DNAH11: variants seen among roughly 807,000 people sequenced by gnomAD.
DNAH11 encodes the protein axonemal beta dynein heavy chain 11.
DNAH11 carries 442 observed loss-of-function variants against 526.0 expected under a neutral mutation model. The ratio of observed to expected loss-of-function variants is 0.84; its 90% CI spans 0.78 to 0.91. The LOEUF is 0.91. Among genes scored for constraint, DNAH11 ranks in the 40% least tolerant of loss-of-function variants. The pLI is 0.00. For missense variants in DNAH11, 6,989 were observed against 5,448.7 expected (o/e 1.28, Z -8.90); for synonymous variants, 2,461 against 1,935.9 (o/e 1.27, Z -7.12).
Position 21,836,755 on chromosome 7 carries a change from G to C in DNAH11, c.10692-5789G>C, listed in dbSNP as rs1782011098. On this transcript the variant is annotated intron_variant, in intron 65 of 81. Transcript: ENST00000409508. ...AAGATAGACAAATGGGATTACATCA[G>C]ACTAAAAAGCTTCTGCACAACAAAG... 2.0e-5 allele frequency among the ~76,000 whole-genome samples: 3 copies of C among 152,066 alleles called. No homozygotes were observed. In the South Asian group the frequency reaches 6.2e-4, roughly 32 times the overall value.
chr7:21,612,304 C>G (rs1016879386), intron 20 of DNAH11, among the ~76,000 whole-genome samples: 1 of 151,890 alleles, frequency 6.6e-6, no homozygotes, highest in African/African-American at 2.4e-5. Flanking sequence ...GCCTGTAATC[C>G]CAGCACTTTG....
intron 14 of DNAH11, among the ~76,000 whole-genome samples, chr7:21,596,778 A>G (rs540552593): frequency 1.3e-5 from 2 of 152,348 alleles, no homozygotes; most frequent in Admixed American, 6.5e-5. Flanking sequence ...TTTGTCCTTA[A>G]GGCAAAAACT....
At chr7:21,575,264 G>A (rs1583494456) in intron 8 of DNAH11, among the ~76,000 whole-genome samples, 1 of 152,150 alleles carries the variant, frequency 6.6e-6, no homozygotes, top group East Asian at 1.9e-4. Context: ...TTCATCTGTG[G>A]GAACTCACCT....
intron 45 of DNAH11, among the ~76,000 whole-genome samples, chr7:21,731,225 CATCAGGTT>C (rs918439467): frequency 1.1e-4 from 16 of 151,816 alleles, no homozygotes; most frequent in Admixed American, 4.6e-4. Flanking sequence ...TATTTCAAAA[CATCAGGTT>C]ATACACAATA....
At chr7:21,784,808 A>C (rs1330478607) in intron 58 of DNAH11, among the ~76,000 whole-genome samples, 1 of 152,178 alleles carries the variant, frequency 6.6e-6, no homozygotes, top group South Asian at 2.1e-4. Context: ...TTATACTCTT[A>C]GGAAAGGCAA....
chr7:21,901,757 CTCCAGTG>C lies in DNAH11; in HGVS notation c.*513_*519del, dbSNP rs113860457. On this transcript the variant is annotated 3_prime_UTR_variant, in exon 82 of 82. Transcript: ENST00000409508. ...GGAAGAGGCTAGCACTCTGTAAGGC[CTCCAGTG>C]TCCAGTGTCTACAATGTTGATGGTC... The C allele has an allele frequency of 0.77, 120,953 of 157,990 alleles. 49,701 individuals are homozygous for C. Among genetic ancestry groups the C allele is most frequent in the Non-Finnish European group, 0.92 (65,445 of 71,288 alleles). 9.8% of individuals were successfully genotyped at this position (157,990 alleles called of 1,614,324 possible). A position where few individuals can be genotyped will look rare whatever the true frequency, so the allele number is the denominator to read the frequency against.
At chr7:21,661,743 A>G (rs901074272) in intron 30 of DNAH11, among the ~76,000 whole-genome samples, 4 of 152,184 alleles carry the variant, frequency 2.6e-5, no homozygotes, top group South Asian at 2.1e-4. Context: ...CCTTAGTTTT[A>G]TCATCTGCAA....
intron 45 of DNAH11, among the ~76,000 whole-genome samples, chr7:21,734,164 A>G (rs566830330): frequency 6.6e-6 from 1 of 152,208 alleles, no homozygotes; most frequent in Non-Finnish European, 1.5e-5. Flanking sequence ...ACTAGTAGCT[A>G]TGACCTTGAC....
intron 62 of DNAH11, among the ~76,000 whole-genome samples, chr7:21,805,778 T>C (rs1789238215): frequency 6.6e-6 from 1 of 152,320 alleles, no homozygotes; most frequent in Non-Finnish European, 1.5e-5. Context: ...AATTGTATCA[T>C]GTTAACTAAG....
At chr7:21,632,866 C>T (rs757554684) in intron 25 of DNAH11, among the ~76,000 whole-genome samples, 1 of 152,184 alleles carries the variant, frequency 6.6e-6, no homozygotes, top group Non-Finnish European at 1.5e-5. Context: ...GCACCCCACC[C>T]TATTGGTACC....
At chr7:21,794,289 T>A (rs904581404) in intron 61 of DNAH11, among the ~76,000 whole-genome samples, 1 of 152,224 alleles carries the variant, frequency 6.6e-6, no homozygotes, top group Non-Finnish European at 1.5e-5. Flanking sequence ...CATGGCTCCC[T>A]GTTTGCTGCT....
Position 21,705,554 on chromosome 7 carries a change from A to T in DNAH11, c.6546+17A>T, listed in dbSNP as rs1379899191. On this transcript the variant is annotated intron_variant, in intron 39 of 81. Coordinates refer to ENST00000409508, the MANE Select transcript of DNAH11 (RefSeq NM_001277115.2). ...AAGAGTAAGGTATAGTAAATTGCCT[A>T]ATAGCTTACAGCTATGGAAAGAACA... 6.2e-7 allele frequency: 1 copy of T among 1,609,696 alleles called. No individual in the cohort carries two copies. Among genetic ancestry groups the T allele is most frequent in the South Asian group, 1.1e-5 (1 of 90,930 alleles).
At chr7:21,623,908 A>G (rs1786202233) in intron 25 of DNAH11, among the ~76,000 whole-genome samples, 1 of 151,918 alleles carries the variant, frequency 6.6e-6, no homozygotes, top group South Asian at 2.1e-4. Context: ...TGGCACATGT[A>G]TACATATGTA....
At chr7:21,728,616 A>G (rs1393428693) in intron 45 of DNAH11, among the ~76,000 whole-genome samples, 1 of 152,132 alleles carries the variant, frequency 6.6e-6, no homozygotes, top group Non-Finnish European at 1.5e-5. Flanking sequence ...CCCAAATATA[A>G]TCCAAATATC....
At chr7:21,771,262 T>C (rs1041008964) in intron 55 of DNAH11, among the ~76,000 whole-genome samples, 2 of 152,276 alleles carry the variant, frequency 1.3e-5, no homozygotes, top group South Asian at 4.1e-4. Context: ...TACAGACCAA[T>C]GTAGTCATCT....
At chr7:21,564,459 C>A in intron 6 of DNAH11, 62 bp downstream of exon 6, 2 of 1,257,622 alleles carry the variant, frequency 1.6e-6, no homozygotes, top group Non-Finnish European at 2.3e-6. Context: ...TTTTACGAGA[C>A]TAGTGAAGAA....
chr7:21,860,705 C>A (rs939275226), intron 68 of DNAH11, among the ~76,000 whole-genome samples: 6 of 152,160 alleles, frequency 3.9e-5, no homozygotes, highest in African/African-American at 1.2e-4. Flanking sequence ...AAGACTGTGA[C>A]TCTGCTTATA....
intron 68 of DNAH11, among the ~76,000 whole-genome samples, chr7:21,860,146 C>T (rs1783002786): frequency 6.6e-6 from 1 of 152,042 alleles, no homozygotes; most frequent in Non-Finnish European, 1.5e-5. Context: ...GCACTCCAGG[C>T]TGGATGACAG....
chr7:21,579,171 A>G (rs1273439641), intron 8 of DNAH11, among the ~76,000 whole-genome samples: 1 of 151,984 alleles, frequency 6.6e-6, no homozygotes, highest in African/African-American at 2.4e-5. Context: ...TCTAATTACA[A>G]CCCTTCAATA....
Sources: gnomAD v4.1 joint callset for allele counts (sites outside exome capture counted in the v4.1 genomes callset) on GRCh38, gnomAD v4.1.1 for gene constraint, MANE v1.5 for transcripts, NCBI Gene and HGNC (gene_info 2026-07-23, HGNC 2026-07-21) for gene names.